Variants in ANO4 observed in about 807,000 individuals in gnomAD.
ANO4 encodes the protein anoctamin 4.
Under a neutral mutation model 141.9 loss-of-function variants are expected in ANO4, and 69 were observed. The observed-to-expected ratio is 0.49, with a 90% CI of 0.40 to 0.59. The LOEUF (loss-of-function observed/expected upper bound fraction) is 0.59, where lower values mean the gene tolerates loss of function less well. ANO4 is among the 20% of genes least tolerant of loss of function. The pLI is 0.00. For synonymous variants in ANO4, 350 were observed against 394.3 expected, an observed-to-expected ratio of 0.89 and a Z score of 1.33; for missense variants, 894 against 1,162.2, an observed-to-expected ratio of 0.77 and a Z score of 3.36.
chr12:100,878,066 A>T (rs78207397), intron 1 of ANO4, among the ~76,000 whole-genome samples: 1,878 of 152,210 alleles, frequency 0.012, 27 homozygotes, highest in African/African-American at 0.043. Context: ...AGGGTATCTC[A>T]GCTAGTTACC....
At chr12:100,763,922 A>G (rs1467770250) in intron 3 of ANO4, among the ~76,000 whole-genome samples, 1 of 151,400 alleles carries the variant, frequency 6.6e-6, no homozygotes, top group Non-Finnish European at 1.5e-5. Flanking sequence ...TTTTTTTTAA[A>G]TTTTTAAATC....
intron 3 of ANO4, among the ~76,000 whole-genome samples, chr12:100,751,799 G>A (rs1387929175): frequency 1.3e-5 from 2 of 152,148 alleles, no homozygotes; most frequent in Non-Finnish European, 2.9e-5. Context: ...CATTAGCTCA[G>A]TGAAGGCAAA....
rs147851133 is a variant in ANO4 at position 100,754,358 on chromosome 12, C to T, written c.358+14253C>T. 1.3e-3 allele frequency among the ~76,000 whole-genome samples: 175 copies of T among 137,230 alleles called. 1 individual carries two copies. Among genetic ancestry groups the T allele is most frequent in the East Asian group, 0.011 (53 of 4,748 alleles). The allele number at this position is 137,230 out of a possible 152,430, so 90.0% of individuals were successfully genotyped here. On this transcript the variant is annotated intron_variant, in intron 3 of 29. Transcript: ENST00000644049. The stretch of plus-strand genomic sequence containing the variant: ...GGATCAAGTCTTTCTACTTTCTTGC[C>T]GGGGCAGGGGTAGTAGTTCCTGGCT...
chr12:101,054,231 C>T (rs2048001061), intron 14 of ANO4, among the ~76,000 whole-genome samples: 2 of 152,014 alleles, frequency 1.3e-5, no homozygotes, highest in Non-Finnish European at 2.9e-5. Flanking sequence ...TAATACAAAG[C>T]TTGTATTTAA....
At chr12:100,737,911 C>T (rs2031683289) in intron 2 of ANO4, among the ~76,000 whole-genome samples, 1 of 151,896 alleles carries the variant, frequency 6.6e-6, no homozygotes, top group African/African-American at 2.4e-5. Flanking sequence ...TGTGGATTTC[C>T]TAGTAATGTG....
chr12:100,791,089 T>C (rs1292328872), upstream of ANO4, among the ~76,000 whole-genome samples: 1 of 152,226 alleles, frequency 6.6e-6, no homozygotes, highest in East Asian at 1.9e-4. Context: ...CCTTAAAATG[T>C]AATTCAAGGC....
intron 1 of ANO4, among the ~76,000 whole-genome samples, chr12:100,816,879 T>G: frequency 6.6e-6 from 1 of 151,956 alleles, no homozygotes; most frequent in East Asian, 1.9e-4. Flanking sequence ...AATTGTTTTC[T>G]CTTTCTTTGG....
chr12:100,988,712 A>T (rs1277979055), intron 8 of ANO4, among the ~76,000 whole-genome samples: 1 of 151,750 alleles, frequency 6.6e-6, no homozygotes, highest in African/African-American at 2.4e-5. Flanking sequence ...CTCTACTAAA[A>T]ACACAAAAAT....
intron 3 of ANO4, among the ~76,000 whole-genome samples, chr12:100,747,276 C>T (rs554653261): frequency 3.9e-5 from 6 of 152,218 alleles, no homozygotes; most frequent in Non-Finnish European, 8.8e-5. Context: ...TAGCAAGGGC[C>T]TTTTGCCAAC....
chr12:100,809,509 A>G (rs1031829403), intron 1 of ANO4, among the ~76,000 whole-genome samples: 1 of 152,212 alleles, frequency 6.6e-6, no homozygotes, highest in African/African-American at 2.4e-5. Flanking sequence ...AGCAACCAGC[A>G]TCTGAACTGA....
rs943292515 is a variant in ANO4 at position 101,066,714 on chromosome 12, T to C, written c.1313-12479T>C. On this transcript the variant is annotated intron_variant, in intron 14 of 27. Coordinates refer to ENST00000392977, the MANE Select transcript of ANO4 (RefSeq NM_001286615.2). ...GAGCACAGCAAGGTCAGGTGGCACC[T>C]GCTTGAGTCCTGCGTTGCCATGGCC... 5 of 749,046 alleles carry C rather than the reference T, an allele frequency of 6.7e-6. No homozygotes were observed. In the African/African-American group the frequency reaches 8.6e-5, roughly 13 times the overall value. The allele number at this position is 749,046 out of a possible 1,614,324, so 46.4% of individuals were successfully genotyped here.
At chr12:101,071,002 C>G (rs2048786675) in intron 14 of ANO4, among the ~76,000 whole-genome samples, 1 of 151,888 alleles carries the variant, frequency 6.6e-6, no homozygotes, top group Non-Finnish European at 1.5e-5. Context: ...GGTTTTTATC[C>G]AAAAGTCTGG....
At chr12:101,043,080 T>C (rs2047474615) in intron 12 of ANO4, among the ~76,000 whole-genome samples, 1 of 152,266 alleles carries the variant, frequency 6.6e-6, no homozygotes, top group South Asian at 2.1e-4. Context: ...ATTGTTAATG[T>C]GTTAGTTAAA....
intron 17 of ANO4, among the ~76,000 whole-genome samples, chr12:101,090,540 T>C (rs997974830): frequency 2.6e-5 from 4 of 152,004 alleles, no homozygotes; most frequent in South Asian, 2.1e-4. Context: ...TAGGTGGGAA[T>C]TGAACAATAA....
intron 14 of ANO4, among the ~76,000 whole-genome samples, chr12:101,063,131 A>G (rs1400793534): frequency 6.6e-6 from 1 of 152,174 alleles, no homozygotes; most frequent in Non-Finnish European, 1.5e-5. Context: ...TCTCTTGGCT[A>G]GGGGAGGGAG....
At chr12:100,842,673 G>A (rs1015082578) in intron 1 of ANO4, among the ~76,000 whole-genome samples, 2 of 152,138 alleles carry the variant, frequency 1.3e-5, no homozygotes, top group African/African-American at 2.4e-5. Context: ...GATATGAGCA[G>A]ATTCAGTGTC....
chr12:100,753,657 A>AT (rs959252379), intron 3 of ANO4, among the ~76,000 whole-genome samples: 2 of 152,018 alleles, frequency 1.3e-5, no homozygotes, highest in Non-Finnish European at 2.9e-5. Flanking sequence ...CCCACACTGT[A>AT]TTTTTTTCTC....
intron 8 of ANO4, among the ~76,000 whole-genome samples, chr12:101,004,503 G>A (rs755067123): frequency 6.6e-5 from 10 of 152,144 alleles, no homozygotes; most frequent in Non-Finnish European, 4.4e-5. Context: ...CCTTTCACCT[G>A]TTCTCCCTTC....
intron 24 of ANO4, among the ~76,000 whole-genome samples, chr12:101,112,116 A>T (rs2050686234): frequency 6.6e-6 from 1 of 152,182 alleles, no homozygotes; most frequent in Admixed American, 6.5e-5. Context: ...TTACAATCTG[A>T]TTTACATTGT....
Sources: allele counts gnomAD v4.1 joint callset (sites outside exome capture counted in the v4.1 genomes callset), GRCh38; gene constraint gnomAD v4.1.1; transcripts MANE v1.5; gene names NCBI Gene and HGNC (gene_info 2026-07-23, HGNC 2026-07-21).